The following RFX3 variants were observed in gnomAD, a reference collection of about 807,000 sequenced individuals.
RFX3 encodes the protein regulatory factor X3, also known as transcription factor RFX3.
A neutral mutation model predicts 98.6 loss-of-function variants in RFX3; 14 were observed. The observed-to-expected ratio is 0.14, with a 90% confidence interval of 0.09 to 0.22. RFX3 has a LOEUF of 0.22. RFX3 is among the 10% of genes least tolerant of loss of function. The pLI is 1.00. For synonymous variants in RFX3, 383 were observed against 328.4 expected (o/e 1.17, Z -1.80); for missense variants, 639 against 926.9 (o/e 0.69, Z 4.03).
At chr9:3,382,265 C>T (rs1426178262) in intron 2 of RFX3, among the ~76,000 whole-genome samples, 1 of 152,124 alleles carries the variant, frequency 6.6e-6, no homozygotes, top group African/African-American at 2.4e-5. Context: ...TCTTTTAAAG[C>T]AACATTTAAG....
intron 3 of RFX3, among the ~76,000 whole-genome samples, chr9:3,333,632 A>T (rs1182824988): frequency 6.6e-6 from 1 of 152,160 alleles, no homozygotes; most frequent in Non-Finnish European, 1.5e-5. Context: ...TTGTCTACCG[A>T]ATATGACAGT....
chr9:3,396,376 T>C (rs1308155732), intron 1 of RFX3, among the ~76,000 whole-genome samples: 3 of 152,208 alleles, frequency 2.0e-5, no homozygotes, highest in African/African-American at 7.2e-5. Context: ...TAACTCATCA[T>C]TTTTTATGGC....
rs569808612 is a variant in RFX3 at position 3,433,433 on chromosome 9, C to T, written c.-8-37837G>A. Among the ~76,000 whole-genome samples, 4 of 152,246 alleles carry T rather than the reference C, an allele frequency of 2.6e-5. No individual in the cohort carries two copies. In the South Asian group the frequency reaches 8.3e-4, roughly 32 times the overall value. On this transcript the variant is annotated intron_variant, in intron 1 of 16. Coordinates refer to ENST00000617270, the MANE Select transcript of RFX3 (RefSeq NM_001282116.2). The stretch of plus-strand genomic sequence containing the variant: ...TTTTCTTGGTAGCATTTTCTTCTCT[C>T]TAGCTTAATTTACTGTAAGAATACA...
At chr9:3,500,834 T>C (rs367679722) in intron 1 of RFX3, among the ~76,000 whole-genome samples, 1 of 152,200 alleles carries the variant, frequency 6.6e-6, no homozygotes, top group African/African-American at 2.4e-5. Context: ...AGTTATTTAA[T>C]ACTTAGTCAA....
intron 1 of RFX3, among the ~76,000 whole-genome samples, chr9:3,396,235 C>T (rs1354343210): frequency 6.6e-6 from 1 of 152,188 alleles, no homozygotes; most frequent in Non-Finnish European, 1.5e-5. Flanking sequence ...GTTCTCCTTC[C>T]TGTGTCCATG....
intron 1 of RFX3, among the ~76,000 whole-genome samples, chr9:3,482,057 A>C (rs1391791255): frequency 6.6e-6 from 1 of 152,088 alleles, no homozygotes; most frequent in Non-Finnish European, 1.5e-5. Context: ...TATAAAGAAA[A>C]TAATTGGACA....
At chr9:3,499,009 A>G (rs1393747937) in intron 1 of RFX3, among the ~76,000 whole-genome samples, 1 of 152,138 alleles carries the variant, frequency 6.6e-6, no homozygotes, top group Non-Finnish European at 1.5e-5. Flanking sequence ...CATCCTATTA[A>G]AAACAAGTCA....
At position 3,246,829 on chromosome 9, in the gene RFX3, T is replaced by C. The variant is rs369972186; in HGVS notation, c.1968+1203A>G. ...ATTTGGCATCATTTAAGCTTTATCA[T>C]CAACAGGGAACATCATACAAAGACA... On this transcript the variant is annotated intron_variant, in intron 15 of 16. Coordinates refer to ENST00000617270, the MANE Select transcript of RFX3 (RefSeq NM_001282116.2). 1.6e-3 allele frequency among the ~76,000 whole-genome samples: 249 copies of C among 152,264 alleles called. 2 individuals carry two copies. In the South Asian group the frequency reaches 0.021, roughly 13 times the overall value.
At chr9:3,330,539 G>GA (rs1563937650) in intron 3 of RFX3, 22 bp from the exon 4 acceptor site, 1 of 1,577,922 alleles carries the variant, frequency 6.3e-7, no homozygotes, top group South Asian at 1.2e-5. Context: ...GAAGAAAAAA[G>GA]AAATTTACTA....
At chr9:3,408,701 A>G (rs1842196169) in intron 1 of RFX3, among the ~76,000 whole-genome samples, 1 of 152,072 alleles carries the variant, frequency 6.6e-6, no homozygotes, top group Non-Finnish European at 1.5e-5. Flanking sequence ...TTGAACACAC[A>G]GTACATCACA....
intron 1 of RFX3, among the ~76,000 whole-genome samples, chr9:3,401,205 G>A (rs1055739958): frequency 3.9e-5 from 6 of 152,104 alleles, no homozygotes; most frequent in African/African-American, 1.4e-4. Context: ...TAATTCTGAA[G>A]ACCTGATAAA....
chr9:3,518,430 A>C (rs941695409), intron 1 of RFX3, among the ~76,000 whole-genome samples: 1 of 152,162 alleles, frequency 6.6e-6, no homozygotes, highest in Non-Finnish European at 1.5e-5. Flanking sequence ...ATATAACTAA[A>C]CACTTAACGG....
At chr9:3,436,105 G>C (rs541970020) in intron 1 of RFX3, among the ~76,000 whole-genome samples, 1 of 152,128 alleles carries the variant, frequency 6.6e-6, no homozygotes, top group East Asian at 1.9e-4. Flanking sequence ...GTGTAAAGAA[G>C]TAAGAGACAT....
At chr9:3,435,541 G>A (rs997095202) in intron 1 of RFX3, among the ~76,000 whole-genome samples, 10 of 151,842 alleles carry the variant, frequency 6.6e-5, no homozygotes, top group African/African-American at 1.9e-4. Context: ...CATATATGCA[G>A]TCCATCATTG....
intron 9 of RFX3, 53 bp from the exon 10 acceptor site, chr9:3,271,171 T>C: frequency 6.7e-7 from 1 of 1,489,030 alleles, no homozygotes; most frequent in South Asian, 1.1e-5. Context: ...TACGGGACTG[T>C]GTGAGGACAG....
chr9:3,248,081 T>C lies in RFX3; in HGVS notation c.1919A>G (p.His640Arg). Reference sequence around the variant, plus strand: ...CTCTCCTGTTGCCTGAGCAACACGATGTTCTACTAAGTAAAACATATATTC... The same window carrying C: ...CTCTCCTGTTGCCTGAGCAACACGACGTTCTACTAAGTAAAACATATATTC... ...YDEYMFYLVE[H>R]RVAQATGETP... The change falls in exon 15 of 17, where the codon CAT becomes CGT. Residue 640 changes from histidine (H) to arginine (R), a missense_variant. Transcript: ENST00000617270. The C allele has an allele frequency of 6.2e-7, 1 of 1,614,072 alleles. No homozygotes were observed. The highest frequency in any genetic ancestry group is 8.5e-7 in the Non-Finnish European group (1 of 1,179,938).
intron 3 of RFX3, among the ~76,000 whole-genome samples, chr9:3,340,106 A>G (rs1178481263): frequency 2.0e-5 from 3 of 152,224 alleles, no homozygotes; most frequent in Non-Finnish European, 4.4e-5. Flanking sequence ...CCGCATATCT[A>G]CAACCATCTG....
In RFX3 at chr9:3,429,283, A is replaced by T. The variant is rs559660500; in HGVS notation, c.-8-33687T>A. Among the ~76,000 whole-genome samples, 433 of 151,006 alleles carry T rather than the reference A, an allele frequency of 2.9e-3. 4 individuals are homozygous for T. The highest frequency in any genetic ancestry group is 0.01 in the African/African-American group (418 of 41,346). ...GTGATCCGCCCGTCTCGGCCTCCCA[A>T]AGTGCTGGGATTACAGGCGTGAGCC... On this transcript the variant is annotated intron_variant, in intron 1 of 16. Coordinates refer to ENST00000617270, the MANE Select transcript of RFX3 (RefSeq NM_001282116.2).
At chr9:3,248,704 G>A (rs1239173166) in intron 14 of RFX3, among the ~76,000 whole-genome samples, 1 of 152,130 alleles carries the variant, frequency 6.6e-6, no homozygotes, top group African/African-American at 2.4e-5. Flanking sequence ...AGGCAAGTAC[G>A]TACAGGGATT....
Sources: gnomAD v4.1 joint callset for allele counts (sites outside exome capture counted in the v4.1 genomes callset) on GRCh38, gnomAD v4.1.1 for gene constraint, MANE v1.5 for transcripts, NCBI Gene and HGNC (gene_info 2026-07-23, HGNC 2026-07-21) for gene names.